The following SLC38A7 variants were observed in gnomAD, a reference collection of about 807,000 sequenced individuals.
SLC38A7 encodes sodium-coupled neutral amino acid transporter 7.
A neutral mutation model predicts 50.1 loss-of-function variants in SLC38A7; 29 were observed. The observed-to-expected ratio is 0.58, with a 90% confidence interval of 0.43 to 0.79. The LOEUF is 0.79. SLC38A7 is among the 30% of genes least tolerant of loss of function. The probability of loss-of-function intolerance (pLI) is 0.00; values close to 1 mark genes in which losing one functional copy is unlikely to be tolerated. For synonymous variants in SLC38A7, 244 were observed against 245.9 expected (o/e 0.99, Z 0.07); for missense variants, 483 against 610.6 (o/e 0.79, Z 2.20).
At chr16:58,680,452 TG>T (rs2044366673) in intron 2 of SLC38A7, among the ~76,000 whole-genome samples, 1 of 152,184 alleles carries the variant, frequency 6.6e-6, no homozygotes, top group Non-Finnish European at 1.5e-5. Context: ...ACAGACTCAA[TG>T]GACCAGTTAG....
In SLC38A7 at chr16:58,680,292, G is replaced by A. The variant is rs112263193; in HGVS notation, c.-115-51C>T. On this transcript the variant is annotated intron_variant, in intron 2 of 11. Transcript: ENST00000219320. Reference sequence around the variant, plus strand: ...CTGTTATCCTAAGATGGGGGAACTAGGGGACAAAAAGGTGTAATAACTTTC... The same window carrying A: ...CTGTTATCCTAAGATGGGGGAACTAAGGGACAAAAAGGTGTAATAACTTTC... 2.3e-3 allele frequency: 1,699 copies of A among 742,852 alleles called. 23 individuals are homozygous for A. The African/African-American group carries it at 0.026, about 11-fold the overall frequency. The allele number at this position is 742,852 out of a possible 1,614,324, so 46.0% of individuals were successfully genotyped here.
rs117098548 is a variant in SLC38A7 at position 58,680,513 on chromosome 16, G to A, written c.-115-272C>T. ...CACATCAGCACTCGATAGAGGCCCC[G>A]CATCGGGCAGGTGTGTCATGGATAT... On this transcript the variant is annotated intron_variant, in intron 2 of 11. Transcript: ENST00000219320. 7.7e-3 allele frequency among the ~76,000 whole-genome samples: 1,166 copies of A among 152,316 alleles called. 3 individuals carry two copies. Among genetic ancestry groups the A allele is most frequent in the Non-Finnish European group, 0.012 (802 of 68,018 alleles).
In SLC38A7 at chr16:58,680,074, T is replaced by A; in HGVS notation, c.53A>T (p.Asp18Val). 8 of 1,571,782 alleles carry A rather than the reference T, an allele frequency of 5.1e-6. No individual in the cohort carries two copies. The highest frequency in any genetic ancestry group is 6.0e-6 in the Non-Finnish European group (7 of 1,158,518). ...CAGCAGCCGAGCCCGCTCCCCGGCA[T>A]CCGTGCTCAAGTCCCACTCGCTGTA... ...NDYSEWDLSTDAGERARLLQS... is the reference protein window; with the variant it reads ...NDYSEWDLSTVAGERARLLQS... The change falls in exon 3 of 12, where the codon GAT becomes GTT. Residue 18 changes from aspartate (D) to valine (V), a missense_variant. Coordinates refer to ENST00000219320, the MANE Select transcript of SLC38A7 (RefSeq NM_018231.3).
At chr16:58,669,991 A>C in intron 11 of SLC38A7, 122 bp downstream of exon 11, 1 of 895,906 alleles carries the variant, frequency 1.1e-6, no homozygotes, top group Non-Finnish European at 1.7e-6. Flanking sequence ...AAAAAAACAA[A>C]ACAAAAACCC....
At chr16:58,679,043 G>T in intron 3 of SLC38A7, 149 bp from the exon 4 acceptor site, 1 of 775,724 alleles carries the variant, frequency 1.3e-6, no homozygotes, top group Non-Finnish European at 2.0e-6. Context: ...AGGATGCCGA[G>T]TTGAGATTTT....
At chr16:58,680,347 A>T (rs748206362) in intron 2 of SLC38A7, 106 bp from the exon 3 acceptor site, 47 of 455,892 alleles carry the variant, frequency 1.0e-4, no homozygotes, top group Admixed American at 5.1e-4. Flanking sequence ...GTCCAAACCC[A>T]GGTATGCCTC....
rs563200899 is a variant in SLC38A7 at position 58,671,849 on chromosome 16, G to A, written c.1031+247C>T. The stretch of plus-strand genomic sequence containing the variant: ...CTCCCAAAGTGCTGGGTTTAGAGAC[G>A]TGAGCCACCGTGCCATGCCATGGAT... On this transcript the variant is annotated intron_variant, in intron 9 of 11. Coordinates refer to ENST00000219320, the MANE Select transcript of SLC38A7 (RefSeq NM_018231.3). 6.6e-5 allele frequency: 25 copies of A among 377,264 alleles called. No individual in the cohort carries two copies. The East Asian group carries it at 8.4e-4, about 13-fold the overall frequency. The allele number at this position is 377,264 out of a possible 1,614,324, so 23.4% of individuals were successfully genotyped here. A position where few individuals can be genotyped will look rare whatever the true frequency, so the allele number is the denominator to read the frequency against.
chr16:58,669,993 C>G (rs1012902958), intron 11 of SLC38A7, 120 bp downstream of exon 11: 2 of 837,382 alleles, frequency 2.4e-6, no homozygotes, highest in Admixed American at 6.0e-5. Context: ...AAAAACAAAA[C>G]AAAAACCCAT....
At chr16:58,682,482 C>G (rs1453414404) in intron 2 of SLC38A7, among the ~76,000 whole-genome samples, 1 of 152,082 alleles carries the variant, frequency 6.6e-6, no homozygotes, top group East Asian at 1.9e-4. Flanking sequence ...TATTTAGAGA[C>G]AGGGTATCAC....
intron 8 of SLC38A7, among the ~76,000 whole-genome samples, chr16:58,674,503 C>T (rs1257742641): frequency 6.6e-6 from 1 of 152,054 alleles, no homozygotes; most frequent in Admixed American, 6.6e-5. Flanking sequence ...TCTTGAACTC[C>T]TGGGCTCCAG....
At chr16:58,677,666 T>G in intron 5 of SLC38A7, 1 of 511,842 alleles carries the variant, frequency 2.0e-6, no homozygotes, top group Non-Finnish European at 3.6e-6. Flanking sequence ...GAAGTGCTGG[T>G]TCAGCTCCAT....
chr16:58,670,647 C>G (rs956147059), intron 10 of SLC38A7, among the ~76,000 whole-genome samples: 1 of 152,234 alleles, frequency 6.6e-6, no homozygotes, highest in Non-Finnish European at 1.5e-5. Flanking sequence ...GGTGCCACCC[C>G]AGACCCCACT....
intron 2 of SLC38A7, chr16:58,681,988 C>T (rs2044399061): frequency 6.6e-6 from 1 of 152,196 alleles, no homozygotes; most frequent in African/African-American, 2.4e-5. Context: ...GAAACCCCAT[C>T]TCTACTAAAA....
intron 6 of SLC38A7, among the ~76,000 whole-genome samples, chr16:58,676,730 C>A (rs1436435017): frequency 6.6e-6 from 1 of 152,178 alleles, no homozygotes; most frequent in Non-Finnish European, 1.5e-5. Context: ...CGGCTCACTG[C>A]AACTTCTGCC....
chr16:58,667,234 G>A lies in SLC38A7; in HGVS notation c.*151C>T. ...CTGGATTTGAGCTGTCCAGAGGTGT[G>A]GGGCCTGAGTTTGCCCCAGTCCCTG... On this transcript the variant is annotated 3_prime_UTR_variant, in exon 12 of 12. Coordinates refer to ENST00000219320, the MANE Select transcript of SLC38A7 (RefSeq NM_018231.3). 1.3e-6 allele frequency: 1 copy of A among 744,084 alleles called. No homozygotes were observed. The highest frequency in any genetic ancestry group is 2.2e-6 in the Non-Finnish European group (1 of 445,352). 46.1% of individuals were successfully genotyped at this position (744,084 alleles called of 1,614,324 possible).
At chr16:58,673,112 T>G (rs2044189860) in intron 8 of SLC38A7, among the ~76,000 whole-genome samples, 1 of 105,264 alleles carries the variant, frequency 9.5e-6, no homozygotes, top group Non-Finnish European at 2.0e-5. Flanking sequence ...TTTTTTTTTT[T>G]GAGATGGAGT....
At chr16:58,671,832 G>T (rs944919746) in intron 9 of SLC38A7, 4 of 332,406 alleles carry the variant, frequency 1.2e-5, no homozygotes, top group Non-Finnish European at 2.2e-5. Context: ...GCCTCCCAAA[G>T]TGCTGGGTTT....
intron 2 of SLC38A7, among the ~76,000 whole-genome samples, chr16:58,682,956 ACAAAATTGGCCTTT>A (rs1407196435): frequency 4.0e-5 from 6 of 151,522 alleles, no homozygotes; most frequent in African/African-American, 1.2e-4. Flanking sequence ...CCTGTGGGGA[ACAAAATTGGCCTTT>A]CAAAATTCAG....
chr16:58,680,219 G>T lies in SLC38A7; in HGVS notation c.-93C>A. 7.1e-7 allele frequency: 1 copy of T among 1,400,050 alleles called. No homozygotes were observed. Among genetic ancestry groups the T allele is most frequent in the Non-Finnish European group, 9.4e-7 (1 of 1,064,640 alleles). The allele number at this position is 1,400,050 out of a possible 1,614,324, so 86.7% of individuals were successfully genotyped here. On this transcript the variant is annotated 5_prime_UTR_variant, in exon 3 of 12. Coordinates refer to ENST00000219320, the MANE Select transcript of SLC38A7 (RefSeq NM_018231.3). ...GAGCAACACCCACCTGTTTGGGGCT[G>T]TTAGCTTAGGACTCTTCTCAACCTA...
Sources: gnomAD v4.1 joint callset for allele counts (sites outside exome capture counted in the v4.1 genomes callset) on GRCh38, gnomAD v4.1.1 for gene constraint, MANE v1.5 for transcripts, NCBI Gene and HGNC (gene_info 2026-07-23, HGNC 2026-07-21) for gene names.